RNF40: variants seen among roughly 807,000 people sequenced by gnomAD.
RNF40 encodes the protein ring finger protein 40.
RNF40 carries 39 observed loss-of-function variants against 123.3 expected under a neutral mutation model. The observed-to-expected ratio is 0.32, with a 90% CI of 0.24 to 0.41. RNF40 has a LOEUF of 0.41. RNF40 is among the 10% of genes least tolerant of loss of function. The pLI, the probability that RNF40 is intolerant of heterozygous loss-of-function variation, is 1.00. For synonymous variants in RNF40, 538 were observed against 526.0 expected, an observed-to-expected ratio of 1.02 and a Z score of -0.31; for missense variants, 1,003 against 1,319.9, an observed-to-expected ratio of 0.76 and a Z score of 3.72.
chr16:30,762,801 G>C, intron 2 of RNF40, 124 bp downstream of exon 2: 1 of 1,282,726 alleles, frequency 7.8e-7, no homozygotes, highest in Non-Finnish European at 1.1e-6. Context: ...ACAGGACCTT[G>C]AAAGAAAGGT....
Position 30,768,090 on chromosome 16 carries a change from T to C in RNF40, c.1552-13T>C, listed in dbSNP as rs781552922. On this transcript the variant is annotated splice_polypyrimidine_tract_variant and intron_variant, in intron 12 of 19. Coordinates refer to ENST00000324685, the MANE Select transcript of RNF40 (RefSeq NM_014771.4). The surrounding 1 kb of genome is among the most constrained non-coding windows in gnomAD (Gnocchi z 4.1). ...CCATCTGACTTCATCCCTCTTCCTC[T>C]CTGCCTTTGCAGCTCCGGGCCCAGG... is the stretch of plus-strand genomic sequence containing the variant. The C allele has an allele frequency of 9.9e-6, 16 of 1,612,234 alleles. No homozygotes were observed. The Admixed American group carries it at 2.7e-4, about 27-fold the overall frequency.
chr16:30,765,124 C>T, intron 6 of RNF40, 57 bp from the exon 7 acceptor site: 2 of 1,611,472 alleles, frequency 1.2e-6, no homozygotes, highest in Admixed American at 3.3e-5. Context: ...GATGGGCACT[C>T]AGGGACCTCA....
At chr16:30,767,237 G>T (rs1457196171) in intron 11 of RNF40, among the ~76,000 whole-genome samples, 2 of 152,212 alleles carry the variant, frequency 1.3e-5, no homozygotes, top group Non-Finnish European at 2.9e-5. Context: ...CAGAATTCCT[G>T]CCATGTGGAG....
chr16:30,762,313 A>T (rs920716831), upstream of RNF40: 6 of 491,768 alleles, frequency 1.2e-5, no homozygotes, highest in African/African-American at 4.1e-5. Flanking sequence ...ACGCCCAGTG[A>T]CGTCCGGTGA....
At chr16:30,773,864 A>C in intron 19 of RNF40, 74 bp from the exon 20 acceptor site, 2 of 1,490,688 alleles carry the variant, frequency 1.3e-6, no homozygotes, top group Non-Finnish European at 1.8e-6. Flanking sequence ...CTTGGCCTGG[A>C]CTCCTCCTGC....
chr16:30,763,611 G>A (rs2151325718), intron 4 of RNF40, 52 bp downstream of exon 4: 1 of 1,589,682 alleles, frequency 6.3e-7, no homozygotes, highest in Non-Finnish European at 8.6e-7. Context: ...GAGAAGTCCT[G>A]GGGAGGAGGG....
chr16:30,769,868 C>A (rs903733564), intron 17 of RNF40, among the ~76,000 whole-genome samples: 3 of 152,008 alleles, frequency 2.0e-5, no homozygotes, highest in African/African-American at 7.2e-5. Context: ...GAAACAGAGG[C>A]GGGAGGTTTG....
rs1290086386 is a variant in RNF40, at chr16:30,775,185, C to G, written c.*1071C>G. 2 of 355,584 alleles carry G rather than the reference C, an allele frequency of 5.6e-6. No individual in the cohort carries two copies. Among genetic ancestry groups the G allele is most frequent in the Non-Finnish European group, 5.6e-6 (1 of 180,054 alleles). The allele number at this position is 355,584 out of a possible 1,614,324, so 22.0% of individuals were successfully genotyped here. The stretch of plus-strand genomic sequence containing the variant: ...GATGAATAAACGTTCAACCCTCGGC[C>G]TGCAGCCAGAGTAGCCAGGCCGCGC... On this transcript the variant is annotated 3_prime_UTR_variant, in exon 20 of 20. Coordinates refer to ENST00000324685, the MANE Select transcript of RNF40 (RefSeq NM_014771.4).
upstream of RNF40, chr16:30,761,879 G>T (rs2053833244): frequency 1.1e-6 from 1 of 896,752 alleles, no homozygotes; most frequent in Non-Finnish European, 1.6e-6. Context: ...GCGCGGAGAG[G>T]CGCGGCGGGG....
At chr16:30,762,083 A>C (rs548368513), upstream of RNF40, 6 of 395,436 alleles carry the variant, frequency 1.5e-5, no homozygotes, top group African/African-American at 1.3e-4. Flanking sequence ...GCTGTCCTCC[A>C]GGCTGGGAAG....
Position 30,769,296 on chromosome 16 carries a change from C to T in RNF40, c.2358C>T (p.Asn786=), listed in dbSNP as rs758427239. 19 of 1,614,112 alleles carry T rather than the reference C, an allele frequency of 1.2e-5. No individual in the cohort carries two copies. Among genetic ancestry groups the T allele is most frequent in the Middle Eastern group, 3.3e-4 (2 of 6,084 alleles). The change falls in exon 16 of 20, where the codon AAC becomes AAT. Residue 786 remains asparagine (N), a synonymous_variant. Coordinates refer to ENST00000324685, the MANE Select transcript of RNF40 (RefSeq NM_014771.4). ...AGTTGCGGGAAAAGGATGATGCCAA[C>T]TTTAAGCTAATGTCAGAGCGGATCA... ...LQQLREKDDA[N]FKLMSERIKA...
At position 30,769,180 on chromosome 16, in the gene RNF40, C is replaced by T. The variant is rs1446318854; in HGVS notation, c.2248-6C>T. On this transcript the variant is annotated splice_region_variant and splice_polypyrimidine_tract_variant and intron_variant, in intron 15 of 19. Coordinates refer to ENST00000324685, the MANE Select transcript of RNF40 (RefSeq NM_014771.4). Reference sequence around the variant, plus strand: ...GTTCCATCTTGTCTCTGCCCACTTGCTGCAGGAGGAGGAGGCTCTGCTCTC... The same window carrying T: ...GTTCCATCTTGTCTCTGCCCACTTGTTGCAGGAGGAGGAGGCTCTGCTCTC... 5 of 1,614,010 alleles carry T rather than the reference C, an allele frequency of 3.1e-6. No homozygotes were observed. The highest frequency in any genetic ancestry group is 1.7e-5 in the Admixed American group (1 of 60,028).
Position 30,766,789 on chromosome 16 carries a change from C to G in RNF40, c.1342C>G (p.Leu448Val), listed in dbSNP as rs766206396. ...QKKLRTEVIQ[L>V]EDTLAQVRKE... ...GAAGCTACGCACAGAGGTCATTCAGCTGGAGGACACGCTGGCCCAGGTACG... is the reference window on the plus strand; with the variant it reads ...GAAGCTACGCACAGAGGTCATTCAGGTGGAGGACACGCTGGCCCAGGTACG... Residue 448 changes from leucine to valine, a missense_variant, in exon 11 of 20, where the codon CTG becomes GTG. Physicochemically the swap from Leu to Val is conservative, Grantham distance 32. Coordinates refer to ENST00000324685, the MANE Select transcript of RNF40 (RefSeq NM_014771.4). The surrounding 1 kb of genome is among the most constrained non-coding windows in gnomAD (Gnocchi z 5.4). The G allele has an allele frequency of 2.5e-5, 40 of 1,613,948 alleles. No individual in the cohort carries two copies. The highest frequency in any genetic ancestry group is 3.0e-5 in the Non-Finnish European group (35 of 1,180,024).
chr16:30,762,289 A>G, upstream of RNF40: 1 of 450,164 alleles, frequency 2.2e-6, no homozygotes, highest in Non-Finnish European at 3.9e-6. Flanking sequence ...GGGGGGGGGC[A>G]GTGGCGTCCA....
At chr16:30,761,761 C>T (rs956469306), upstream of RNF40, 6 of 1,512,740 alleles carry the variant, frequency 4.0e-6, no homozygotes, top group African/African-American at 8.3e-5. Flanking sequence ...CGCCGCTCTT[C>T]CGTGCCGCGA....
chr16:30,768,065 C>T lies in RNF40; in HGVS notation c.1552-38C>T. The T allele has an allele frequency of 1.2e-6, 2 of 1,613,904 alleles. No individual in the cohort carries two copies. Among genetic ancestry groups the T allele is most frequent in the Non-Finnish European group, 1.7e-6 (2 of 1,179,842 alleles). Reference sequence around the variant, plus strand: ...AGGTTTGGCTAGACTCCAGTGAACACCATCTGACTTCATCCCTCTTCCTCT... The same window carrying T: ...AGGTTTGGCTAGACTCCAGTGAACATCATCTGACTTCATCCCTCTTCCTCT... On this transcript the variant is annotated intron_variant, in intron 12 of 19. Transcript: ENST00000324685. The surrounding 1 kb of genome is among the most constrained non-coding windows in gnomAD (Gnocchi z 4.1).
Position 30,768,747 on chromosome 16 carries a change from C to T in RNF40, c.2097+11C>T, listed in dbSNP as rs376528751. 1 of 1,613,870 alleles carries T rather than the reference C, an allele frequency of 6.2e-7. No homozygotes were observed. The highest frequency in any genetic ancestry group is 1.7e-5 in the Admixed American group (1 of 60,038). Reference sequence around the variant, plus strand: ...AAGGCTAAGGCCGAGGTGAGGGCAGCTGGGGCTTGTGGGGCATTCAGAAAG... The same window carrying T: ...AAGGCTAAGGCCGAGGTGAGGGCAGTTGGGGCTTGTGGGGCATTCAGAAAG... On this transcript the variant is annotated intron_variant, in intron 14 of 19. Transcript: ENST00000324685. The surrounding 1 kb of genome is among the most constrained non-coding windows in gnomAD (Gnocchi z 4.1).
Position 30,762,498 on chromosome 16 carries a change from C to T in RNF40, c.-48C>T, listed in dbSNP as rs1355123649. The T allele has an allele frequency of 1.4e-5, 22 of 1,537,228 alleles. No homozygotes were observed. Among genetic ancestry groups the T allele is most frequent in the Non-Finnish European group, 1.7e-5 (20 of 1,154,572 alleles). On this transcript the variant is annotated 5_prime_UTR_variant, in exon 2 of 20. Transcript: ENST00000324685. ...AGGTGACGGAAGTACCGCCTCCTCC[C>T]GTTTGACGCCCCTCAGGGGACCCTG...
chr16:30,762,037 C>A (rs995397180), upstream of RNF40: 5 of 481,084 alleles, frequency 1.0e-5, no homozygotes, highest in Non-Finnish European at 1.8e-5. Context: ...CCCACCTGGG[C>A]GCCCTCTCTT....
Sources: allele counts gnomAD v4.1 joint callset (sites outside exome capture counted in the v4.1 genomes callset), GRCh38; gene constraint gnomAD v4.1.1; non-coding constraint Gnocchi (gnomAD v3.1); transcripts MANE v1.5; gene names NCBI Gene and HGNC (gene_info 2026-07-23, HGNC 2026-07-21).